Variants in ANKRD12 observed in about 807,000 individuals in gnomAD.
ANKRD12 encodes the protein ankyrin repeat domain-containing protein 12.
A neutral mutation model predicts 183.4 loss-of-function variants in ANKRD12; 85 were observed. That is an observed-to-expected ratio of 0.46 (90% CI 0.39 to 0.56). ANKRD12 has a LOEUF of 0.56. ANKRD12 is among the 20% of genes least tolerant of loss of function. The pLI, the probability that ANKRD12 is intolerant of heterozygous loss-of-function variation, is 0.00. For synonymous variants in ANKRD12, 914 were observed against 800.2 expected, an observed-to-expected ratio of 1.14 and a Z score of -2.40; for missense variants, 2,405 against 2,357.1, an observed-to-expected ratio of 1.02 and a Z score of -0.42.
intron 1 of ANKRD12, among the ~76,000 whole-genome samples, chr18:9,141,579 A>G (rs1400985833): frequency 1.3e-5 from 2 of 152,202 alleles, no homozygotes; most frequent in Non-Finnish European, 2.9e-5. Flanking sequence ...GATGCTTCCA[A>G]CTTAAAGGAG....
chr18:9,275,833 C>T (rs953753456), intron 11 of ANKRD12, among the ~76,000 whole-genome samples, 166 bp downstream of exon 11: 1 of 152,208 alleles, frequency 6.6e-6, no homozygotes, highest in African/African-American at 2.4e-5. Flanking sequence ...ACTGGTCCTC[C>T]ATTTTCTAAA....
chr18:9,207,655 GCCTTT>G (rs540858885), intron 4 of ANKRD12, among the ~76,000 whole-genome samples: 16 of 150,694 alleles, frequency 1.1e-4, no homozygotes, highest in Admixed American at 7.3e-4. Flanking sequence ...TGACTACTAA[GCCTTT>G]CCTTTTCCCA....
chr18:9,158,292 T>G (rs777351397), intron 1 of ANKRD12, among the ~76,000 whole-genome samples: 2 of 152,168 alleles, frequency 1.3e-5, no homozygotes, highest in Non-Finnish European at 2.9e-5. Flanking sequence ...TTAACTAAAG[T>G]TCATACTTTA....
At chr18:9,245,623 A>G (rs189036346) in intron 8 of ANKRD12, among the ~76,000 whole-genome samples, 233 of 152,320 alleles carry the variant, frequency 1.5e-3, no homozygotes, top group African/African-American at 5.4e-3. Context: ...ACAAACACAA[A>G]TCACATTTGA....
At chr18:9,138,167 TAAAG>T (rs2078188529) in intron 1 of ANKRD12, among the ~76,000 whole-genome samples, 1 of 152,260 alleles carries the variant, frequency 6.6e-6, no homozygotes, top group African/African-American at 2.4e-5. Flanking sequence ...ATGTAAATTA[TAAAG>T]AAAGGCTAGT....
intron 2 of ANKRD12, among the ~76,000 whole-genome samples, chr18:9,186,399 G>A (rs925863854): frequency 3.9e-5 from 6 of 152,162 alleles, no homozygotes; most frequent in Non-Finnish European, 5.9e-5. Context: ...ATAAAGGGAT[G>A]TATTTATTCT....
intron 2 of ANKRD12, among the ~76,000 whole-genome samples, chr18:9,187,680 T>C (rs2034181156): frequency 6.6e-6 from 1 of 152,180 alleles, no homozygotes; most frequent in Non-Finnish European, 1.5e-5. Flanking sequence ...TGTGGTCTTT[T>C]CCCCCCATTG....
chr18:9,236,077 A>G lies in ANKRD12; in HGVS notation c.943+14078A>G, dbSNP rs141102918. ...GTTCTTTTGTTTAACTTAGGAAACAATCACGGCTTCAACTAAACTATCACC... is the reference window on the plus strand; with the variant it reads ...GTTCTTTTGTTTAACTTAGGAAACAGTCACGGCTTCAACTAAACTATCACC... On this transcript the variant is annotated intron_variant, in intron 8 of 12. Transcript: ENST00000262126. 2.5e-3 allele frequency among the ~76,000 whole-genome samples: 387 copies of G among 152,338 alleles called. 2 individuals carry two copies. Among genetic ancestry groups the G allele is most frequent in the Middle Eastern group, 0.024 (7 of 294 alleles).
intron 1 of ANKRD12, among the ~76,000 whole-genome samples, chr18:9,180,350 A>G (rs1297754797): frequency 6.6e-6 from 1 of 152,020 alleles, no homozygotes; most frequent in Admixed American, 6.5e-5. Flanking sequence ...CCTACCTATT[A>G]TTATATTTGA....
chr18:9,211,236 G>C (rs775196485), intron 5 of ANKRD12, among the ~76,000 whole-genome samples: 12 of 151,972 alleles, frequency 7.9e-5, no homozygotes, highest in Non-Finnish European at 1.5e-4. Context: ...ACTTCCTCTA[G>C]GTCTTAGAAT....
intron 9 of ANKRD12, chr18:9,259,920 G>C (rs2038867536): frequency 6.6e-6 from 1 of 152,062 alleles, no homozygotes; most frequent in African/African-American, 2.4e-5. Flanking sequence ...TAAAACTTTA[G>C]AACACTATAT....
At position 9,256,879 on chromosome 18, in the gene ANKRD12, A is replaced by G. The variant is rs942323566; in HGVS notation, c.3612A>G (p.Val1204=). The G allele has an allele frequency of 1.9e-6, 3 of 1,613,978 alleles. No homozygotes were observed. Among genetic ancestry groups the G allele is most frequent in the African/African-American group, 1.3e-5 (1 of 75,038 alleles). The change falls in exon 9 of 13, where the codon GTA becomes GTG. Residue 1204 remains valine, a synonymous_variant. Transcript: ENST00000262126. ...AGCCGGGTCTCAGCTCCAGATCTGT[A>G]TCCATGATTTCTGTTGCTAGTTCAG... is the stretch of plus-strand genomic sequence containing the variant. The part of the protein sequence containing the change: ...NEKPGLSSRS[V]SMISVASSED...
rs971571321 is a variant in ANKRD12 at position 9,187,418 on chromosome 18, A to AT, written c.87+4908dup. ...ACCCTGCTGTCTCTATTCATTTTTA[A>AT]TTTTTTTTTAACAGTTCTCTTACGT... On this transcript the variant is annotated intron_variant, in intron 2 of 12. Coordinates refer to ENST00000262126, the MANE Select transcript of ANKRD12 (RefSeq NM_015208.5). Among the ~76,000 whole-genome samples the AT allele has an allele frequency of 4.7e-4, 72 of 151,740 alleles. 1 individual carries two copies. Among genetic ancestry groups the AT allele is most frequent in the African/African-American group, 1.4e-3 (58 of 41,364 alleles).
chr18:9,182,501 G>A lies in ANKRD12; in HGVS notation c.69G>A (p.Glu23=). The change falls in exon 2 of 13, where the codon GAG becomes GAA. Residue 23 remains glutamate, a synonymous_variant. Coordinates refer to ENST00000262126, the MANE Select transcript of ANKRD12 (RefSeq NM_015208.5). ...ENSDSDSNMV[E]KPYGRKSKDK... is the part of the protein sequence containing the mutation. ...CTGACAGTGACAGCAATATGGTAGA[G>A]AAACCATATGGAAGAAAGGTATATG... is the stretch of plus-strand genomic sequence containing the variant. 2 of 1,607,018 alleles carry A rather than the reference G, an allele frequency of 1.2e-6. No individual in the cohort carries two copies. Among genetic ancestry groups the A allele is most frequent in the Non-Finnish European group, 1.7e-6 (2 of 1,176,280 alleles).
At chr18:9,150,869 G>T (rs796402368) in intron 1 of ANKRD12, among the ~76,000 whole-genome samples, 21 of 152,150 alleles carry the variant, frequency 1.4e-4, no homozygotes, top group African/African-American at 5.1e-4. Context: ...TAGCCAGGAT[G>T]GTCTCGATCT....
chr18:9,201,592 G>C (rs2035170709), intron 3 of ANKRD12, among the ~76,000 whole-genome samples: 1 of 152,128 alleles, frequency 6.6e-6, no homozygotes, highest in Non-Finnish European at 1.5e-5. Context: ...ATTATACCTA[G>C]TTAGAAAGCC....
chr18:9,243,833 A>T (rs1239942669), intron 8 of ANKRD12, among the ~76,000 whole-genome samples: 1 of 152,204 alleles, frequency 6.6e-6, no homozygotes, highest in African/African-American at 2.4e-5. Context: ...ATAGTTTTTT[A>T]AATTGAAGAA....
intron 4 of ANKRD12, among the ~76,000 whole-genome samples, chr18:9,208,395 A>G (rs1447217556): frequency 6.6e-6 from 1 of 152,178 alleles, no homozygotes; most frequent in Non-Finnish European, 1.5e-5. Context: ...ATTAAGGTAA[A>G]ATTTTACTAG....
At chr18:9,272,154 AAC>A (rs1319765608) in intron 10 of ANKRD12, among the ~76,000 whole-genome samples, 1 of 152,200 alleles carries the variant, frequency 6.6e-6, no homozygotes, top group African/African-American at 2.4e-5. Flanking sequence ...GGGGTTTAAA[AAC>A]ACAAAATTAA....
Sources: allele counts gnomAD v4.1 joint callset (sites outside exome capture counted in the v4.1 genomes callset), GRCh38; gene constraint gnomAD v4.1.1; transcripts MANE v1.5; gene names NCBI Gene and HGNC (gene_info 2026-07-23, HGNC 2026-07-21).